SPAG9: variants seen among roughly 807,000 people sequenced by gnomAD.
SPAG9 encodes C-Jun-amino-terminal kinase-interacting protein 4.
In SPAG9, 35 loss-of-function variants were observed where a neutral mutation model predicts 166.5. The ratio of observed to expected loss-of-function variants is 0.21; its 90% CI spans 0.16 to 0.28. The LOEUF is 0.28. SPAG9 is among the 10% of genes least tolerant of loss of function. The probability of loss-of-function intolerance (pLI) is 1.00; values close to 1 mark genes in which losing one functional copy is unlikely to be tolerated. For missense variants in SPAG9, 1,235 were observed against 1,603.3 expected (o/e 0.77, Z 3.92); for synonymous variants, 534 against 565.5 (o/e 0.94, Z 0.79).
At position 51,053,875 on chromosome 17, in the gene SPAG9, A is replaced by AG. The variant is rs1462545071; in HGVS notation, c.495+2536_495+2537insC. On this transcript the variant is annotated intron_variant, in intron 3 of 29. Coordinates refer to ENST00000262013, the MANE Select transcript of SPAG9 (RefSeq NM_001130528.3). ...AAAAAGTATATATATATATATATATATATATATATATATATATATATATAA... is the reference window on the plus strand; with the variant it reads ...AAAAAGTATATATATATATATATATAGTATATATATATATATATATATATAA... 3.1e-4 allele frequency among the ~76,000 whole-genome samples: 32 copies of AG among 103,480 alleles called. 1 individual carries two copies. Among genetic ancestry groups the AG allele is most frequent in the Non-Finnish European group, 4.7e-4 (26 of 55,484 alleles). 67.9% of individuals were successfully genotyped at this position (103,480 alleles called of 152,430 possible).
chr17:50,975,982 C>T (rs1309907559), intron 27 of SPAG9: 12 of 1,066,142 alleles, frequency 1.1e-5, no homozygotes, highest in African/African-American at 3.1e-5. Context: ...CCACTCTCAG[C>T]GTCTTCTATC....
intron 2 of SPAG9, among the ~76,000 whole-genome samples, chr17:51,076,373 C>G (rs930910033): frequency 2.0e-5 from 3 of 151,814 alleles, no homozygotes; most frequent in Admixed American, 1.3e-4. Context: ...CAGTGAACAG[C>G]GATCCTGCCA....
At chr17:51,110,988 C>A (rs920297715) in intron 1 of SPAG9, among the ~76,000 whole-genome samples, 2 of 151,816 alleles carry the variant, frequency 1.3e-5, no homozygotes, top group African/African-American at 2.4e-5. Context: ...TGGTGGCGGG[C>A]GCCTGTAGTC....
intron 5 of SPAG9, among the ~76,000 whole-genome samples, chr17:51,032,828 G>A (rs531676566): frequency 5.9e-5 from 9 of 152,184 alleles, no homozygotes; most frequent in African/African-American, 1.7e-4. Flanking sequence ...CAGCTGCTCT[G>A]GAGGCTGAGG....
intron 1 of SPAG9, among the ~76,000 whole-genome samples, chr17:51,092,768 GA>G (rs1337136355): frequency 2.1e-5 from 3 of 144,506 alleles, no homozygotes; most frequent in African/African-American, 5.2e-5. Flanking sequence ...AAAAAAAAAA[GA>G]AAAAAAGAAA....
At chr17:51,077,010 C>T (rs2047998488) in intron 2 of SPAG9, among the ~76,000 whole-genome samples, 4 of 82,072 alleles carry the variant, frequency 4.9e-5, no homozygotes, top group Middle Eastern at 5.7e-3. Context: ...ATCTAGCTAG[C>T]TAGCTAGCTA....
chr17:51,037,248 C>T (rs75774288), intron 5 of SPAG9, among the ~76,000 whole-genome samples: 6,214 of 152,148 alleles, frequency 0.041, 299 homozygotes, highest in East Asian at 0.19. Flanking sequence ...TGACTAGAGG[C>T]GCACACCACC....
intron 15 of SPAG9, 146 bp downstream of exon 15, chr17:50,998,298 G>A (rs1239615263): frequency 1.4e-5 from 9 of 646,300 alleles, no homozygotes; most frequent in Non-Finnish European, 2.0e-5. Flanking sequence ...CCAAAGTGCT[G>A]GGATTACAGG....
intron 28 of SPAG9, 133 bp downstream of exon 28, chr17:50,974,638 C>A (rs762257845): frequency 1.1e-5 from 8 of 703,980 alleles, no homozygotes; most frequent in Middle Eastern, 4.9e-4. Flanking sequence ...ACCTCCATTA[C>A]AGAACTTCCT....
At chr17:51,026,637 T>C (rs1394325873) in intron 6 of SPAG9, among the ~76,000 whole-genome samples, 1 of 151,428 alleles carries the variant, frequency 6.6e-6, no homozygotes, top group Non-Finnish European at 1.5e-5. Context: ...AGGGAAAAGC[T>C]CTGATTTTAG....
Position 50,993,922 on chromosome 17 carries a change from T to C in SPAG9, c.2240A>G (p.Glu747Gly). ...LDQELKEQQK[E>G]LKNQEELSSL... ...GGATAATTCTTCTTGATTTTTTAAC[T>C]CCTTCTGCTGTTCCTGTATAGGCAA... Residue 747 changes from glutamate to glycine, a missense_variant, in exon 19 of 30, where the codon GAG (glutamate) becomes GGG (glycine). Transcript: ENST00000262013. 6.2e-7 allele frequency: 1 copy of C among 1,614,012 alleles called. No individual in the cohort carries two copies. The highest frequency in any genetic ancestry group is 8.5e-7 in the Non-Finnish European group (1 of 1,179,916).
chr17:50,975,172 C>A, intron 27 of SPAG9: 1 of 448,800 alleles, frequency 2.2e-6, no homozygotes, highest in Admixed American at 4.3e-5. Flanking sequence ...GCCAGTCTAG[C>A]AATAAGTAAG....
At chr17:51,089,655 T>TAC (rs1490702596) in intron 1 of SPAG9, among the ~76,000 whole-genome samples, 4 of 104,730 alleles carry the variant, frequency 3.8e-5, no homozygotes, top group African/African-American at 1.5e-4. Context: ...TATATATATA[T>TAC]ATATATATAC....
chr17:51,088,089 T>C (rs1443756494), intron 1 of SPAG9, among the ~76,000 whole-genome samples: 3 of 152,160 alleles, frequency 2.0e-5, no homozygotes, highest in Admixed American at 2.0e-4. Context: ...CAAAGAAACA[T>C]GTCTGCCTTC....
intron 2 of SPAG9, among the ~76,000 whole-genome samples, chr17:51,070,691 G>A (rs1188496632): frequency 6.6e-6 from 1 of 151,866 alleles, no homozygotes; most frequent in Non-Finnish European, 1.5e-5. Context: ...TGTATAAAAC[G>A]TGGATCAAGA....
intron 29 of SPAG9, 68 bp downstream of exon 29, chr17:50,970,639 T>C (rs1973713876): frequency 2.2e-6 from 3 of 1,372,380 alleles, no homozygotes; most frequent in African/African-American, 1.4e-5. Context: ...TGGTTTCTTA[T>C]TTACTTTGGG....
chr17:51,082,399 A>C (rs1024619225), intron 1 of SPAG9, among the ~76,000 whole-genome samples: 4 of 151,112 alleles, frequency 2.6e-5, no homozygotes, highest in South Asian at 4.2e-4. Flanking sequence ...AAAAAAAAAA[A>C]AAAAACCTGT....
chr17:50,999,461 TGAGAA>T lies in SPAG9; in HGVS notation c.1664+195_1664+199del. The T allele has an allele frequency of 2.7e-6, 4 of 1,502,002 alleles. 1 individual carries two copies. The South Asian group carries it at 5.2e-5, about 19-fold the overall frequency. The allele number at this position is 1,502,002 out of a possible 1,614,324, so 93.0% of individuals were successfully genotyped here. A position where few individuals can be genotyped will look rare whatever the true frequency, so the allele number is the denominator to read the frequency against. ...CTTACGATATCATATTTTTTGTCCT[TGAGAA>T]GAGCCTTACCGAGTTGGCACACTAT... is the stretch of plus-strand genomic sequence containing the variant. On this transcript the variant is annotated intron_variant, in intron 14 of 29. Transcript: ENST00000262013.
At chr17:50,985,199 G>A (rs1377008202) in intron 23 of SPAG9, among the ~76,000 whole-genome samples, 1 of 152,178 alleles carries the variant, frequency 6.6e-6, no homozygotes, top group Non-Finnish European at 1.5e-5. Context: ...AGTATGAATG[G>A]TATCTCAGTT....
Sources: gnomAD v4.1 joint callset for allele counts (sites outside exome capture counted in the v4.1 genomes callset) on GRCh38, gnomAD v4.1.1 for gene constraint, MANE v1.5 for transcripts, NCBI Gene and HGNC (gene_info 2026-07-23, HGNC 2026-07-21) for gene names.